The following TFB2M variants were observed in gnomAD, a reference collection of about 807,000 sequenced individuals.
The protein encoded by TFB2M is dimethyladenosine transferase 2, mitochondrial.
In TFB2M, 44 loss-of-function variants were observed where a neutral mutation model predicts 41.3. That is an observed-to-expected ratio of 1.07 (90% CI 0.84 to 1.37). TFB2M has a LOEUF of 1.37. Ranked by LOEUF, TFB2M falls within the 40% of genes most tolerant of loss-of-function variation. The pLI, the probability that TFB2M is intolerant of heterozygous loss-of-function variation, is 0.00. For synonymous variants in TFB2M, 188 were observed against 176.8 expected (o/e 1.06, Z -0.50); for missense variants, 496 against 490.2 (o/e 1.01, Z -0.11).
At chr1:246,541,315 G>T in intron 7 of TFB2M, 113 bp from the exon 8 acceptor site, 1 of 1,009,122 alleles carries the variant, frequency 9.9e-7, no homozygotes, top group Non-Finnish European at 1.4e-6. Context: ...TAGGCATACA[G>T]AGTGCTATAA....
At chr1:246,549,181 C>A (rs545068681) in intron 5 of TFB2M, among the ~76,000 whole-genome samples, 2 of 151,906 alleles carry the variant, frequency 1.3e-5, no homozygotes, top group East Asian at 1.9e-4. Context: ...CAGAGTGAGA[C>A]CCTATCCAAA....
In TFB2M at chr1:246,541,021, A is replaced by C; in HGVS notation, c.*10T>G. 6.3e-7 allele frequency: 1 copy of C among 1,584,808 alleles called. No homozygotes were observed. The highest frequency in any genetic ancestry group is 8.6e-7 in the Non-Finnish European group (1 of 1,166,178). On this transcript the variant is annotated 3_prime_UTR_variant, in exon 8 of 8. Transcript: ENST00000366514. The stretch of plus-strand genomic sequence containing the variant: ...AATGAACCGCTCCACCAAAAACGAC[A>C]GTCTAGTTGCTACCTATCTTCCAGG...
intron 7 of TFB2M, among the ~76,000 whole-genome samples, chr1:246,544,296 G>A (rs772554075): frequency 6.6e-6 from 1 of 152,150 alleles, no homozygotes; most frequent in Non-Finnish European, 1.5e-5. Context: ...AACAATCTGG[G>A]CATTTTTTTA....
chr1:246,563,651 A>T (rs1182544113), intron 2 of TFB2M, among the ~76,000 whole-genome samples: 1 of 151,958 alleles, frequency 6.6e-6, no homozygotes, highest in East Asian at 1.9e-4. Context: ...AAACAAGGAG[A>T]TTGTTCACAT....
At chr1:246,546,605 CTT>C (rs1259403034) in intron 6 of TFB2M, among the ~76,000 whole-genome samples, 11 of 148,160 alleles carry the variant, frequency 7.4e-5, no homozygotes, top group Non-Finnish European at 1.6e-4. Flanking sequence ...CAGAATGAGA[CTT>C]TGCCTCAAAA....
intron 6 of TFB2M, 53 bp downstream of exon 6, chr1:246,548,491 AT>A: frequency 2.0e-6 from 3 of 1,511,054 alleles, no homozygotes; most frequent in Non-Finnish European, 2.7e-6. Flanking sequence ...AAAAAATAAA[AT>A]AAAAAATACG....
In TFB2M at chr1:246,565,816, C is replaced by T; in HGVS notation, c.313+10G>A. The T allele has an allele frequency of 6.3e-7, 1 of 1,590,440 alleles. No individual in the cohort carries two copies. The highest frequency in any genetic ancestry group is 8.6e-7 in the Non-Finnish European group (1 of 1,160,540). On this transcript the variant is annotated intron_variant, in intron 1 of 7. Coordinates refer to ENST00000366514, the MANE Select transcript of TFB2M (RefSeq NM_022366.3). ...GAACATCCAAGAAAATGCAATTCAG[C>T]TGGACTCACCTGGATTGCACTCCAG...
chr1:246,545,004 A>G (rs551083676), intron 6 of TFB2M, among the ~76,000 whole-genome samples: 4 of 151,666 alleles, frequency 2.6e-5, no homozygotes, highest in African/African-American at 4.8e-5. Context: ...ATGGGGTTTC[A>G]CCGTGTTAGC....
intron 1 of TFB2M, among the ~76,000 whole-genome samples, chr1:246,565,269 A>G (rs1659589459): frequency 6.6e-6 from 1 of 152,154 alleles, no homozygotes; most frequent in African/African-American, 2.4e-5. Flanking sequence ...GAGGCTTGCA[A>G]CTCTTTTGGG....
At chr1:246,560,450 G>A (rs903598997) in intron 2 of TFB2M, among the ~76,000 whole-genome samples, 1 of 152,178 alleles carries the variant, frequency 6.6e-6, no homozygotes, top group Non-Finnish European at 1.5e-5. Flanking sequence ...CTGAGCCTGG[G>A]AAGTTGAGAC....
At chr1:246,543,068 A>G (rs1046118287) in intron 7 of TFB2M, among the ~76,000 whole-genome samples, 2 of 144,464 alleles carry the variant, frequency 1.4e-5, no homozygotes, top group African/African-American at 2.6e-5. Context: ...TTTATGGCTC[A>G]CTACAGCCTC....
At position 246,544,450 on chromosome 1, in the gene TFB2M, A is replaced by G. The variant is rs1658943754; in HGVS notation, c.1019+71T>C. 5.9e-6 allele frequency: 8 copies of G among 1,356,286 alleles called. No homozygotes were observed. The South Asian group carries it at 1.1e-4, about 18-fold the overall frequency. 84.0% of individuals were successfully genotyped at this position (1,356,286 alleles called of 1,614,324 possible). ...ACTCTGTCAATCAAGATATAAAAAT[A>G]GATCTCTAGCATGAAAGAATAATTT... On this transcript the variant is annotated intron_variant, in intron 7 of 7. Transcript: ENST00000366514.
Position 246,557,493 on chromosome 1 carries a change from G to A in TFB2M, c.444C>T (p.His148=). 1.2e-6 allele frequency: 2 copies of A among 1,611,822 alleles called. No individual in the cohort carries two copies. Among genetic ancestry groups the A allele is most frequent in the Non-Finnish European group, 1.7e-6 (2 of 1,179,182 alleles). ...KNLDGKLRVI[H]CDFFKLDPRS... ...TAGGATCTAGTTTAAAGAAGTCACA[G>A]TGAATCACTCGTAGTTTTCCATCCA... is the stretch of plus-strand genomic sequence containing the variant. The change falls in exon 3 of 8, where the codon CAC becomes CAT. Residue 148 remains histidine, a synonymous_variant. Transcript: ENST00000366514.
intron 4 of TFB2M, among the ~76,000 whole-genome samples, chr1:246,552,206 T>C (rs1659203926): frequency 1.3e-5 from 2 of 151,634 alleles, no homozygotes; most frequent in African/African-American, 4.8e-5. Flanking sequence ...GTCTAGGAGT[T>C]TGGGGGTTCA....
At chr1:246,551,587 G>A (rs535361726) in intron 4 of TFB2M, among the ~76,000 whole-genome samples, 24 of 151,372 alleles carry the variant, frequency 1.6e-4, no homozygotes, top group African/African-American at 5.3e-4. Flanking sequence ...CAGGGCACGC[G>A]GGGTCACGCT....
At chr1:246,556,812 C>A in intron 3 of TFB2M, 91 bp from the exon 4 acceptor site, 1 of 1,051,548 alleles carries the variant, frequency 9.5e-7, no homozygotes, top group Non-Finnish European at 1.3e-6. Context: ...AGTTAACAAA[C>A]TATATTAATT....
intron 2 of TFB2M, 48 bp from the exon 3 acceptor site, chr1:246,557,582 T>A: frequency 6.9e-7 from 1 of 1,454,290 alleles, no homozygotes; most frequent in South Asian, 1.4e-5. Context: ...GCATTAAGTA[T>A]ACTTTGCAGC....
Position 246,555,928 on chromosome 1 carries a change from T to C in TFB2M, c.705+645A>G, listed in dbSNP as rs141559469. 3.4e-3 allele frequency among the ~76,000 whole-genome samples: 516 copies of C among 152,152 alleles called. 4 individuals carry two copies. The highest frequency in any genetic ancestry group is 0.012 in the African/African-American group (498 of 41,534). On this transcript the variant is annotated intron_variant, in intron 4 of 7. Transcript: ENST00000366514. The stretch of plus-strand genomic sequence containing the variant: ...GTTTTAGCCTCCCAAGTAGCTGGGA[T>C]TACAGGCATGCACCACCACGCCTGG...
chr1:246,554,562 T>C (rs76881119), intron 4 of TFB2M, among the ~76,000 whole-genome samples: 4,832 of 152,224 alleles, frequency 0.032, 255 homozygotes, highest in African/African-American at 0.11. Context: ...CACTATCTCC[T>C]GTCACCCGCA....
Sources: gnomAD v4.1 joint callset for allele counts (sites outside exome capture counted in the v4.1 genomes callset) on GRCh38, gnomAD v4.1.1 for gene constraint, MANE v1.5 for transcripts, NCBI Gene and HGNC (gene_info 2026-07-23, HGNC 2026-07-21) for gene names.